Variants in C9orf85 observed in about 807,000 individuals in gnomAD.
C9orf85 encodes uncharacterized protein C9orf85.
Under a neutral mutation model 14.9 loss-of-function variants are expected in C9orf85, and 16 were observed. The ratio of observed to expected loss-of-function variants is 1.08; its 90% CI spans 0.73 to 1.63. C9orf85 has a LOEUF of 1.63. C9orf85 is among the 40% of genes most tolerant of loss of function. C9orf85 has a pLI of 0.00. For missense variants in C9orf85, 172 were observed against 186.1 expected, an observed-to-expected ratio of 0.92 and a Z score of 0.44; for synonymous variants, 45 against 56.8, an observed-to-expected ratio of 0.79 and a Z score of 0.93.
intron 1 of C9orf85, among the ~76,000 whole-genome samples, chr9:71,922,126 A>C (rs1827824982): frequency 6.6e-6 from 1 of 151,886 alleles, no homozygotes; most frequent in South Asian, 2.1e-4. Context: ...TTTTTAGTAG[A>C]GACACGGTTT....
intron 2 of C9orf85, among the ~76,000 whole-genome samples, chr9:71,967,076 A>G (rs1185629274): frequency 6.6e-6 from 1 of 152,122 alleles, no homozygotes; most frequent in Non-Finnish European, 1.5e-5. Flanking sequence ...AAGAGGAGAC[A>G]TTTTTTATTC....
intron 2 of C9orf85, among the ~76,000 whole-genome samples, chr9:71,966,287 A>G (rs111599166): frequency 5.3e-5 from 8 of 152,302 alleles, no homozygotes; most frequent in African/African-American, 1.9e-4. Context: ...TTGCTCAATT[A>G]AACTCCTTTA....
At chr9:71,976,640 A>G (rs1019764009), downstream of C9orf85, among the ~76,000 whole-genome samples, 3 of 151,046 alleles carry the variant, frequency 2.0e-5, no homozygotes, top group South Asian at 2.1e-4. Context: ...CCAGCCTGGG[A>G]CACAGAGCGA....
chr9:71,925,591 GTCCAATCAGAC>G (rs1827911896), intron 1 of C9orf85, among the ~76,000 whole-genome samples: 1 of 152,142 alleles, frequency 6.6e-6, no homozygotes, highest in Admixed American at 6.5e-5. Context: ...GGACTCCGTT[GTCCAATCAGAC>G]TCTCTTGGGA....
At chr9:71,933,524 C>G (rs757969530) in intron 1 of C9orf85, among the ~76,000 whole-genome samples, 7 of 152,140 alleles carry the variant, frequency 4.6e-5, no homozygotes, top group Non-Finnish European at 7.3e-5. Context: ...GAACTTTCAC[C>G]TTTTCACTTA....
At chr9:71,973,526 C>G (rs370672286), downstream of C9orf85, 1 of 152,060 alleles carries the variant, frequency 6.6e-6, no homozygotes, top group Non-Finnish European at 1.5e-5. Context: ...GTTTAACAAG[C>G]GTATAGCAAT....
intron 1 of C9orf85, among the ~76,000 whole-genome samples, chr9:71,917,018 A>C (rs1827667608): frequency 6.6e-6 from 1 of 152,248 alleles, no homozygotes; most frequent in Non-Finnish European, 1.5e-5. Context: ...TAGGGCTTAG[A>C]GGTGAATGAC....
chr9:71,939,339 A>G (rs1589255097), intron 1 of C9orf85, among the ~76,000 whole-genome samples: 2 of 150,770 alleles, frequency 1.3e-5, no homozygotes, highest in African/African-American at 2.5e-5. Context: ...AAGACATTGG[A>G]AAAAAAAATC....
chr9:71,945,830 T>C (rs577378545), intron 1 of C9orf85, among the ~76,000 whole-genome samples: 4 of 152,162 alleles, frequency 2.6e-5, no homozygotes, highest in African/African-American at 9.6e-5. Context: ...GCAAAGAAAA[T>C]TTTAAATGTC....
chr9:71,952,451 G>A (rs777212831), intron 2 of C9orf85, among the ~76,000 whole-genome samples: 3 of 152,086 alleles, frequency 2.0e-5, no homozygotes, highest in East Asian at 1.9e-4. Flanking sequence ...TGCAAGCTCC[G>A]CCTCCTGGGT....
At chr9:71,940,961 G>T (rs1286937294) in intron 1 of C9orf85, among the ~76,000 whole-genome samples, 1 of 152,180 alleles carries the variant, frequency 6.6e-6, no homozygotes, top group Non-Finnish European at 1.5e-5. Flanking sequence ...TGTAGGAGCA[G>T]ATTTGAAATC....
intron 3 of C9orf85, among the ~76,000 whole-genome samples, chr9:71,982,023 A>C (rs1213043865): frequency 6.6e-6 from 1 of 152,116 alleles, no homozygotes; most frequent in Non-Finnish European, 1.5e-5. Flanking sequence ...CATCATCCCA[A>C]AATGATCCCT....
At chr9:71,962,173 A>G (rs1039658318) in intron 2 of C9orf85, among the ~76,000 whole-genome samples, 5 of 152,230 alleles carry the variant, frequency 3.3e-5, no homozygotes, top group African/African-American at 1.2e-4. Context: ...CTCAAAAAAT[A>G]AAATTAAGAA....
Position 71,973,305 on chromosome 9 carries a change from T to C in C9orf85, c.*463T>C, listed in dbSNP as rs1822938832. ...CATGAACAATATAAATTGTGTATATTACTTAACATCAAACTAAACAAGATT... is the reference window on the plus strand; with the variant it reads ...CATGAACAATATAAATTGTGTATATCACTTAACATCAAACTAAACAAGATT... On this transcript the variant is annotated 3_prime_UTR_variant, in exon 4 of 4. Transcript: ENST00000334731. 6.6e-6 allele frequency: 1 copy of C among 152,190 alleles called. No homozygotes were observed. The highest frequency in any genetic ancestry group is 1.5e-5 in the Non-Finnish European group (1 of 68,040). The allele number at this position is 152,190 out of a possible 1,614,324, so 9.4% of individuals were successfully genotyped here. A position where few individuals can be genotyped will look rare whatever the true frequency, so the allele number is the denominator to read the frequency against.
intron 2 of C9orf85, among the ~76,000 whole-genome samples, chr9:71,961,555 C>T (rs1046146017): frequency 2.6e-5 from 4 of 151,772 alleles, no homozygotes; most frequent in African/African-American, 9.7e-5. Flanking sequence ...AGTAAGACTC[C>T]GCCTCAAAAA....
downstream of C9orf85, among the ~76,000 whole-genome samples, chr9:71,977,858 T>C (rs1286991879): frequency 6.6e-6 from 1 of 152,200 alleles, no homozygotes; most frequent in Non-Finnish European, 1.5e-5. Context: ...TAGAATTGCT[T>C]ACTCATCTCT....
chr9:71,984,140 C>A (rs569719186), downstream of C9orf85: 2 of 152,294 alleles, frequency 1.3e-5, no homozygotes, highest in East Asian at 1.9e-4. Context: ...ATATTCTAGA[C>A]CCTCTTTGTT....
At chr9:71,980,763 G>A (rs1823083841) in intron 3 of C9orf85, among the ~76,000 whole-genome samples, 7 of 152,142 alleles carry the variant, frequency 4.6e-5, no homozygotes, top group Admixed American at 4.6e-4. Flanking sequence ...GTTACACACT[G>A]TTTAAAAATA....
At chr9:71,969,706 G>C (rs549862354) in intron 2 of C9orf85, among the ~76,000 whole-genome samples, 3 of 152,056 alleles carry the variant, frequency 2.0e-5, no homozygotes, top group Non-Finnish European at 4.4e-5. Flanking sequence ...TTGTAATCAT[G>C]TATTAAAATA....
Sources: gnomAD v4.1 joint callset for allele counts (sites outside exome capture counted in the v4.1 genomes callset) on GRCh38, gnomAD v4.1.1 for gene constraint, MANE v1.5 for transcripts, NCBI Gene and HGNC (gene_info 2026-07-23, HGNC 2026-07-21) for gene names.